Variants in FCRL3 observed in about 807,000 individuals in gnomAD.
The protein encoded by FCRL3 is Fc receptor like 3, also known as Fc receptor-like protein 3.
FCRL3 carries 89 observed loss-of-function variants against 75.0 expected under a neutral mutation model. That is an observed-to-expected ratio of 1.19 (90% CI 1.00 to 1.42). FCRL3 has a LOEUF of 1.42. FCRL3 is among the 40% of genes most tolerant of loss of function. FCRL3 has a pLI of 0.00. For synonymous variants in FCRL3, 376 were observed against 348.5 expected (o/e 1.08, Z -0.88); for missense variants, 946 against 880.0 (o/e 1.07, Z -0.95).
rs12080623 is a variant in FCRL3 at position 157,695,274 on chromosome 1, A to G, written c.1411+55T>C. 12,823 of 1,544,840 alleles carry G rather than the reference A, an allele frequency of 8.3e-3. 613 individuals carry two copies. The African/African-American group carries it at 0.13, about 16-fold the overall frequency. On this transcript the variant is annotated intron_variant, in intron 8 of 14. Coordinates refer to ENST00000368184, the MANE Select transcript of FCRL3 (RefSeq NM_052939.4). ...AAATAGCCCAGTGGAGCTATTTCTG[A>G]GAAGACATGATCTGTTGTATTGGCT...
At chr1:157,679,830 CAAAAAAAA>C (rs1166825112) in intron 13 of FCRL3, among the ~76,000 whole-genome samples, 9 of 49,916 alleles carry the variant, frequency 1.8e-4, no homozygotes, top group African/African-American at 3.7e-4. Flanking sequence ...CCCCATCTCA[CAAAAAAAA>C]AAAAAAAAAA....
rs1418027352 is a variant in FCRL3, at chr1:157,680,369, C to A, written c.2026+333G>T. ...AGAACAGTAGTAGAAATAAAGAGAC[C>A]AGTTAAAAGAATGACAATTGTCTCC... On this transcript the variant is annotated intron_variant, in intron 13 of 14. Transcript: ENST00000368184. Among the ~76,000 whole-genome samples the A allele has an allele frequency of 2.6e-5, 4 of 152,096 alleles. No individual in the cohort carries two copies. The East Asian group carries it at 7.7e-4, about 29-fold the overall frequency.
In FCRL3 at chr1:157,700,654, G is replaced by A; in HGVS notation, c.-97+8C>T. 6.8e-7 allele frequency: 1 copy of A among 1,479,596 alleles called. No individual in the cohort carries two copies. Among genetic ancestry groups the A allele is most frequent in the Non-Finnish European group, 9.0e-7 (1 of 1,111,366 alleles). The allele number at this position is 1,479,596 out of a possible 1,614,324, so 91.7% of individuals were successfully genotyped here. On this transcript the variant is annotated splice_region_variant and intron_variant, in intron 1 of 14. Transcript: ENST00000368184. ...TGCTTTGGGCTCTGAAAATGTGAATGTGGCTACCTTCCTAAATGCTGTTTG... is the reference window on the plus strand; with the variant it reads ...TGCTTTGGGCTCTGAAAATGTGAATATGGCTACCTTCCTAAATGCTGTTTG...
chr1:157,698,604 G>A lies in FCRL3; in HGVS notation c.78C>T (p.Leu26=). The change falls in exon 4 of 15, where the codon CTC becomes CTT. Residue 26 remains leucine, a synonymous_variant. Transcript: ENST00000368184. The part of the protein sequence containing the change: ...QSGVAPKAVL[L]LNPPWSTAFK... The stretch of plus-strand genomic sequence containing the variant: ...AGGCTGTGGACCATGGAGGATTGAG[G>A]AGAAGTACAGCTTTTGGGGCCACCC... 1 of 1,614,040 alleles carries A rather than the reference G, an allele frequency of 6.2e-7. No individual in the cohort carries two copies. Among genetic ancestry groups the A allele is most frequent in the Non-Finnish European group, 8.5e-7 (1 of 1,179,908 alleles).
chr1:157,682,284 T>A (rs1654903003), intron 11 of FCRL3, among the ~76,000 whole-genome samples: 1 of 152,204 alleles, frequency 6.6e-6, no homozygotes, highest in Non-Finnish European at 1.5e-5. Context: ...TTTGTTGCCA[T>A]TGCTTTTGGT....
rs1191804158 is a variant in FCRL3, at chr1:157,676,847, A to C, written c.*1863T>G. ...ACTATAAGGCACAAAGGGGCTTGGC[A>C]AGGTAATTCCAAATCAGCAGCAGGG... On this transcript the variant is annotated 3_prime_UTR_variant, in exon 15 of 15. Coordinates refer to ENST00000368184, the MANE Select transcript of FCRL3 (RefSeq NM_052939.4). 3.0e-5 allele frequency: 46 copies of C among 1,541,334 alleles called. No individual in the cohort carries two copies. The highest frequency in any genetic ancestry group is 1.7e-5 in the Non-Finnish European group (19 of 1,143,272).
In FCRL3 at chr1:157,678,111, G is replaced by T; in HGVS notation, c.*599C>A. 1.0e-6 allele frequency: 1 copy of T among 985,998 alleles called. No homozygotes were observed. The highest frequency in any genetic ancestry group is 1.2e-6 in the Non-Finnish European group (1 of 830,398). 61.1% of individuals were successfully genotyped at this position (985,998 alleles called of 1,614,324 possible). On this transcript the variant is annotated 3_prime_UTR_variant, in exon 15 of 15. Transcript: ENST00000368184. ...ATATTAAACTAGCAGAGTCTTTAAT[G>T]AAATGCTGAAGTTATTTTTCATCAT...
In FCRL3 at chr1:157,678,812, G is replaced by T. The variant is rs148976786; in HGVS notation, c.2103C>A (p.Asp701Glu). 1 of 1,613,878 alleles carries T rather than the reference G, an allele frequency of 6.2e-7. No homozygotes were observed. Among genetic ancestry groups the T allele is most frequent in the East Asian group, 2.2e-5 (1 of 44,888 alleles). ...LYSELKKTHP[D>E]DSAGEASSRG... ...TGCTGCTAGCCTCCCCTGCAGAGTC[G>T]TCTGGGTGTGTCTTCTTCAGTTCTG... is the stretch of plus-strand genomic sequence containing the variant. The change falls in exon 15 of 15, where the codon GAC becomes GAA. Residue 701 changes from aspartate (D) to glutamate (E), a missense_variant. Coordinates refer to ENST00000368184, the MANE Select transcript of FCRL3 (RefSeq NM_052939.4).
At chr1:157,683,147 A>G (rs1654953891) in intron 11 of FCRL3, 70 bp downstream of exon 11, 2 of 1,540,424 alleles carry the variant, frequency 1.3e-6, no homozygotes, top group Non-Finnish European at 1.8e-6. Context: ...TTTAAAAAAA[A>G]ACATAAACAA....
At chr1:157,688,962 T>A (rs1164341066) in intron 10 of FCRL3, among the ~76,000 whole-genome samples, 1 of 152,142 alleles carries the variant, frequency 6.6e-6, no homozygotes, top group Non-Finnish European at 1.5e-5. Flanking sequence ...TTTACAAAAA[T>A]TTATTTGTGT....
chr1:157,678,526 T>C lies in FCRL3; in HGVS notation c.*184A>G. Reference sequence around the variant, plus strand: ...CAGTGCTTGCTCAGAGGCTGCCTGCTCTCTTCCTGGGGAACACACAGATCA... The same window carrying C: ...CAGTGCTTGCTCAGAGGCTGCCTGCCCTCTTCCTGGGGAACACACAGATCA... On this transcript the variant is annotated 3_prime_UTR_variant, in exon 15 of 15. Transcript: ENST00000368184. 1 of 1,442,048 alleles carries C rather than the reference T, an allele frequency of 6.9e-7. No individual in the cohort carries two copies. Among genetic ancestry groups the C allele is most frequent in the Non-Finnish European group, 9.1e-7 (1 of 1,103,824 alleles). The allele number at this position is 1,442,048 out of a possible 1,614,324, so 89.3% of individuals were successfully genotyped here.
chr1:157,686,137 C>T (rs1323183732), intron 10 of FCRL3, among the ~76,000 whole-genome samples: 5 of 152,006 alleles, frequency 3.3e-5, no homozygotes. Flanking sequence ...AGTAGCATTT[C>T]TATACATCAA....
At chr1:157,679,059 A>C in intron 13 of FCRL3, 86 bp from the exon 14 acceptor site, 1 of 1,434,768 alleles carries the variant, frequency 7.0e-7, no homozygotes, top group Non-Finnish European at 9.8e-7. Flanking sequence ...ATTCCAAACC[A>C]ATCTTCTTGA....
rs767531795 is a variant in FCRL3 at position 157,689,874 on chromosome 1, C to T, written c.1734G>A (p.Thr578=). ...NRTGLTAAGI[T]GLVLSILVLA... ...GGACGAGGATGCTGAGCACCAGCCC[C>T]GTGATTCCCGCAGCGGTAAGGCCTG... The change falls in exon 10 of 15, where the codon ACG becomes ACA. Residue 578 remains threonine, a synonymous_variant. Transcript: ENST00000368184. The T allele has an allele frequency of 2.0e-5, 33 of 1,614,072 alleles. No homozygotes were observed. Among genetic ancestry groups the T allele is most frequent in the African/African-American group, 1.3e-4 (10 of 74,912 alleles).
In FCRL3 at chr1:157,676,988, T is replaced by A; in HGVS notation, c.*1722A>T. On this transcript the variant is annotated 3_prime_UTR_variant, in exon 15 of 15. Transcript: ENST00000368184. ...ATGTATCACATAGAAGACAGAGACA[T>A]TTGCCTCCTCCCTCTTCAAGGGACC... 2 of 1,346,170 alleles carry A rather than the reference T, an allele frequency of 1.5e-6. No individual in the cohort carries two copies. Among genetic ancestry groups the A allele is most frequent in the South Asian group, 3.3e-5 (2 of 61,500 alleles). The allele number at this position is 1,346,170 out of a possible 1,614,324, so 83.4% of individuals were successfully genotyped here.
rs1654515579 is a variant in FCRL3 at position 157,677,206 on chromosome 1, A to T, written c.*1504T>A. On this transcript the variant is annotated 3_prime_UTR_variant, in exon 15 of 15. Transcript: ENST00000368184. Reference sequence around the variant, plus strand: ...GGCTTTGCTGGTCGTAATGGAGGACAAAAGTGCCTTCTGGTGAAACTCAGC... The same window carrying T: ...GGCTTTGCTGGTCGTAATGGAGGACTAAAGTGCCTTCTGGTGAAACTCAGC... 9 of 1,007,430 alleles carry T rather than the reference A, an allele frequency of 8.9e-6. No homozygotes were observed. Among genetic ancestry groups the T allele is most frequent in the Non-Finnish European group, 1.1e-5 (9 of 842,044 alleles). The allele number at this position is 1,007,430 out of a possible 1,614,324, so 62.4% of individuals were successfully genotyped here.
chr1:157,682,615 T>G (rs1484962617), intron 11 of FCRL3, among the ~76,000 whole-genome samples: 1 of 152,190 alleles, frequency 6.6e-6, no homozygotes, highest in Non-Finnish European at 1.5e-5. Context: ...AAAACTCATA[T>G]TTGACTAATT....
At chr1:157,680,618 T>C in intron 13 of FCRL3, 84 bp downstream of exon 13, 1 of 1,184,890 alleles carries the variant, frequency 8.4e-7, no homozygotes, top group South Asian at 1.3e-5. Context: ...GGGCTTGTAT[T>C]TGAAATAACT....
intron 8 of FCRL3, among the ~76,000 whole-genome samples, chr1:157,691,227 T>C (rs1426565617): frequency 6.6e-6 from 1 of 152,208 alleles, no homozygotes; most frequent in South Asian, 2.1e-4. Context: ...CTAGCAACAA[T>C]GATTTCTATT....
Sources: allele counts gnomAD v4.1 joint callset (sites outside exome capture counted in the v4.1 genomes callset), GRCh38; gene constraint gnomAD v4.1.1; transcripts MANE v1.5; gene names NCBI Gene and HGNC (gene_info 2026-07-23, HGNC 2026-07-21).